The following DPP10 variants were observed in gnomAD, a reference collection of about 807,000 sequenced individuals.
DPP10 encodes the protein inactive dipeptidyl peptidase 10.
Under a neutral mutation model 120.9 loss-of-function variants are expected in DPP10, and 33 were observed. The ratio of observed to expected loss-of-function variants is 0.27; its 90% CI spans 0.21 to 0.37. DPP10 has a LOEUF of 0.37. Among genes scored for constraint, DPP10 ranks in the 10% least tolerant of loss-of-function variants. The pLI is 1.00. For missense variants in DPP10, 816 were observed against 942.8 expected, an observed-to-expected ratio of 0.87 and a Z score of 1.76; for synonymous variants, 337 against 326.1, an observed-to-expected ratio of 1.03 and a Z score of -0.36.
intron 1 of DPP10, among the ~76,000 whole-genome samples, chr2:114,846,511 AC>A (rs1291479910): frequency 7.2e-5 from 11 of 152,218 alleles, no homozygotes; most frequent in African/African-American, 2.6e-4. Context: ...CTCTTCCACA[AC>A]ATAGACCCAA....
At chr2:114,444,180 A>G (rs1301407917) in intron 1 of DPP10, among the ~76,000 whole-genome samples, 1 of 152,200 alleles carries the variant, frequency 6.6e-6, no homozygotes, top group East Asian at 1.9e-4. Context: ...TCTGTGCTGT[A>G]TCTAAGTTTA....
At chr2:115,052,009 G>A (rs1208097315) in intron 1 of DPP10, among the ~76,000 whole-genome samples, 1 of 152,160 alleles carries the variant, frequency 6.6e-6, no homozygotes, top group Admixed American at 6.5e-5. Flanking sequence ...AAGAATTCGA[G>A]TTCAGAAATA....
At chr2:115,152,885 T>C (rs1486364311) in intron 1 of DPP10, among the ~76,000 whole-genome samples, 1 of 152,116 alleles carries the variant, frequency 6.6e-6, no homozygotes, top group East Asian at 1.9e-4. Flanking sequence ...GCAAAAGACA[T>C]GAGACTGAGG....
intron 1 of DPP10, among the ~76,000 whole-genome samples, chr2:114,703,959 G>T (rs1700534367): frequency 6.6e-6 from 1 of 152,086 alleles, no homozygotes; most frequent in African/African-American, 2.4e-5. Flanking sequence ...ATGCCCCAAA[G>T]AAGGGATTTG....
intron 1 of DPP10, among the ~76,000 whole-genome samples, chr2:114,740,153 T>C (rs1243358004): frequency 6.6e-6 from 1 of 150,990 alleles, no homozygotes; most frequent in Non-Finnish European, 1.5e-5. Context: ...GTGGCACATA[T>C]ACACCATGGA....
intron 21 of DPP10, among the ~76,000 whole-genome samples, chr2:115,831,219 A>C (rs1170260311): frequency 2.0e-5 from 3 of 151,480 alleles, no homozygotes; most frequent in African/African-American, 7.3e-5. Context: ...ACACAAGTTT[A>C]AATTCGCACA....
intron 1 of DPP10, among the ~76,000 whole-genome samples, chr2:115,091,514 C>T (rs1408265538): frequency 6.6e-6 from 1 of 152,048 alleles, no homozygotes; most frequent in Non-Finnish European, 1.5e-5. Flanking sequence ...GGAAAAGTTA[C>T]ACTCTCCTCG....
At chr2:114,889,629 C>G (rs1299455780) in intron 1 of DPP10, among the ~76,000 whole-genome samples, 1 of 151,862 alleles carries the variant, frequency 6.6e-6, no homozygotes, top group Non-Finnish European at 1.5e-5. Context: ...TTTTATCCTC[C>G]TATAAAATAT....
At chr2:114,951,322 T>C (rs573967474) in intron 1 of DPP10, among the ~76,000 whole-genome samples, 84 of 152,206 alleles carry the variant, frequency 5.5e-4, no homozygotes, top group Non-Finnish European at 1.0e-3. Flanking sequence ...ATGTTTATTA[T>C]ATTTGGTTCT....
At chr2:115,415,841 T>TTATATATATATATATATATATATA (rs70941057) in intron 3 of DPP10, among the ~76,000 whole-genome samples, 2 of 74,296 alleles carry the variant, frequency 2.7e-5, no homozygotes, top group Non-Finnish European at 5.1e-5. Context: ...TGATTTGCTT[T>TTATATATATATATATATATATATA]TATATATATA....
At chr2:115,520,936 A>T (rs1311949368) in intron 4 of DPP10, among the ~76,000 whole-genome samples, 1 of 152,232 alleles carries the variant, frequency 6.6e-6, no homozygotes, top group African/African-American at 2.4e-5. Flanking sequence ...TGTAAATTGC[A>T]GTTCCAAACA....
chr2:114,612,308 G>C (rs1693346766), intron 1 of DPP10, among the ~76,000 whole-genome samples: 2 of 152,072 alleles, frequency 1.3e-5, no homozygotes. Context: ...CCTCATGACT[G>C]AGAAATCATC....
At chr2:114,902,317 A>C (rs994097331) in intron 1 of DPP10, among the ~76,000 whole-genome samples, 9 of 152,194 alleles carry the variant, frequency 5.9e-5, no homozygotes, top group Non-Finnish European at 1.3e-4. Context: ...TTCCCACATC[A>C]TTTATTGAAG....
chr2:115,781,209 A>G (rs1682727948), intron 16 of DPP10, among the ~76,000 whole-genome samples: 1 of 151,906 alleles, frequency 6.6e-6, no homozygotes, highest in Non-Finnish European at 1.5e-5. Context: ...ATAAACATGC[A>G]CACATAATTA....
intron 1 of DPP10, among the ~76,000 whole-genome samples, chr2:114,815,307 A>G (rs1248174737): frequency 6.6e-6 from 1 of 152,182 alleles, no homozygotes; most frequent in African/African-American, 2.4e-5. Flanking sequence ...CATCACCTCA[A>G]CATCTGAAGA....
chr2:115,464,908 G>T (rs2105106521), intron 3 of DPP10, among the ~76,000 whole-genome samples: 1 of 152,182 alleles, frequency 6.6e-6, no homozygotes, highest in Non-Finnish European at 1.5e-5. Context: ...ATAATCTCAA[G>T]TCTAAAAGGC....
At chr2:115,782,295 A>G in intron 16 of DPP10, 57 bp from the exon 17 acceptor site, 1 of 1,462,086 alleles carries the variant, frequency 6.8e-7, no homozygotes, top group Non-Finnish European at 9.5e-7. Flanking sequence ...TAAACTTTCT[A>G]ATGATTATTA....
chr2:115,264,544 G>A (rs762754040), intron 1 of DPP10, among the ~76,000 whole-genome samples: 1 of 152,190 alleles, frequency 6.6e-6, no homozygotes, highest in Non-Finnish European at 1.5e-5. Flanking sequence ...GTGAAGAGGA[G>A]CATTATAGAG....
intron 1 of DPP10, among the ~76,000 whole-genome samples, chr2:114,663,668 T>TATATATATATAGAGAG: frequency 1.1e-4 from 9 of 80,708 alleles, no homozygotes; most frequent in African/African-American, 5.6e-4. Context: ...TATATATATA[T>TATATATATATAGAGAG]AGAGAGAGAG....
Sources: gnomAD v4.1 joint callset for allele counts (sites outside exome capture counted in the v4.1 genomes callset) on GRCh38, gnomAD v4.1.1 for gene constraint, MANE v1.5 for transcripts, NCBI Gene and HGNC (gene_info 2026-07-23, HGNC 2026-07-21) for gene names.